The following NTRK3 variants were observed in gnomAD, a reference collection of about 807,000 sequenced individuals.
NTRK3 encodes neurotrophic receptor tyrosine kinase 3.
NTRK3 carries 24 observed loss-of-function variants against 91.7 expected under a neutral mutation model. The observed-to-expected ratio is 0.26, with a 90% CI of 0.19 to 0.37. The LOEUF is 0.37. Ranked by LOEUF, NTRK3 falls within the 10% of genes least tolerant of loss-of-function variation. The probability of loss-of-function intolerance (pLI) is 1.00; values close to 1 mark genes in which losing one functional copy is unlikely to be tolerated. For missense variants in NTRK3, 880 were observed against 1,068.9 expected, an observed-to-expected ratio of 0.82 and a Z score of 2.46; for synonymous variants, 483 against 404.0, an observed-to-expected ratio of 1.20 and a Z score of -2.34.
At chr15:87,863,448 T>C (rs559485300) in exon 19 of NTRK3, 9 of 221,324 alleles carry the variant, frequency 4.1e-5, no homozygotes, top group African/African-American at 1.8e-4. Context: ...AAGCAAGAAA[T>C]CCCGCTTATC....
intron 3 of NTRK3, among the ~76,000 whole-genome samples, chr15:88,231,679 C>T (rs546422462): frequency 6.6e-6 from 1 of 152,322 alleles, no homozygotes; most frequent in African/African-American, 2.4e-5. Context: ...TAGCTGATCT[C>T]ACTCCTGTGT....
intron 5 of NTRK3, among the ~76,000 whole-genome samples, chr15:88,166,364 C>A (rs1597712670): frequency 2.0e-5 from 3 of 152,338 alleles, no homozygotes; most frequent in Non-Finnish European, 1.5e-5. Context: ...ACCTGTCCAC[C>A]ACATGCACCT....
chr15:87,953,604 T>C (rs1010185108), intron 14 of NTRK3, among the ~76,000 whole-genome samples: 4 of 152,190 alleles, frequency 2.6e-5, no homozygotes, highest in Non-Finnish European at 5.9e-5. Context: ...CCACCTCTTA[T>C]TGATAGGCCT....
chr15:87,999,880 T>C (rs1041096040), intron 14 of NTRK3, among the ~76,000 whole-genome samples: 1 of 152,152 alleles, frequency 6.6e-6, no homozygotes, highest in African/African-American at 2.4e-5. Context: ...ATTTCCACCA[T>C]CCTCTATAAG....
At chr15:87,901,765 G>C (rs931703639) in intron 17 of NTRK3, among the ~76,000 whole-genome samples, 4 of 129,702 alleles carry the variant, frequency 3.1e-5, no homozygotes, top group Non-Finnish European at 6.3e-5. Flanking sequence ...AAGTTGGGGA[G>C]GGGGGGAGAG....
rs376912370 is a variant in NTRK3 at position 88,227,636 on chromosome 15, G to A, written c.248+28270C>T. 3.0e-4 allele frequency among the ~76,000 whole-genome samples: 45 copies of A among 152,204 alleles called. No homozygotes were observed. The East Asian group carries it at 6.8e-3, about 23-fold the overall frequency. On this transcript the variant is annotated intron_variant, in intron 3 of 18. Transcript: ENST00000394480. ...ATGTTGGACTTCCAGCCTCTAGAAC[G>A]GTGAGGAATCCACTTCTTCTGTTTA...
At chr15:88,051,896 G>C (rs1027120607) in intron 13 of NTRK3, among the ~76,000 whole-genome samples, 5 of 152,162 alleles carry the variant, frequency 3.3e-5, no homozygotes, top group African/African-American at 1.2e-4. Flanking sequence ...GGGGATCACA[G>C]TTAGCCAATG....
intron 17 of NTRK3, chr15:87,927,681 G>T (rs1946698): frequency 6.6e-6 from 1 of 151,968 alleles, no homozygotes; most frequent in Non-Finnish European, 1.5e-5. Flanking sequence ...AGAGAGATCT[G>T]TTAACCCTTC....
intron 13 of NTRK3, among the ~76,000 whole-genome samples, chr15:88,112,793 C>T (rs867724897): frequency 1.3e-5 from 2 of 152,190 alleles, no homozygotes; most frequent in South Asian, 2.1e-4. Flanking sequence ...CACTCTCCCC[C>T]GCTTCAAGAA....
At chr15:87,929,240 A>G (rs779320655) in exon 17 of NTRK3, 12 of 1,613,856 alleles carry the variant, frequency 7.4e-6, no homozygotes, top group Non-Finnish European at 1.0e-5. Flanking sequence ...GAAGTCCCCA[A>G]TCTTCACTAG....
chr15:87,872,843 C>T (rs778031721), exon 19 of NTRK3: 82 of 232,852 alleles, frequency 3.5e-4, no homozygotes, highest in Non-Finnish European at 6.2e-4. Flanking sequence ...GGGACCAGAA[C>T]CTAGCTTTAA....
chr15:88,206,264 G>A (rs1454800838), intron 3 of NTRK3, among the ~76,000 whole-genome samples: 1 of 150,212 alleles, frequency 6.7e-6, no homozygotes, highest in African/African-American at 2.5e-5. Flanking sequence ...AGAATAGCGC[G>A]AACCCCGGGG....
chr15:88,253,008 G>A (rs1421553098), intron 3 of NTRK3: 1 of 152,216 alleles, frequency 6.6e-6, no homozygotes, highest in Non-Finnish European at 1.5e-5. Flanking sequence ...GAAACCTCTT[G>A]TCCCTCTGGA....
intron 13 of NTRK3, among the ~76,000 whole-genome samples, chr15:88,100,967 A>G (rs2050113769): frequency 6.6e-6 from 1 of 152,256 alleles, no homozygotes; most frequent in Admixed American, 6.5e-5. Flanking sequence ...CAAGGACTTC[A>G]TGTCTAAAAC....
chr15:88,042,031 A>G (rs2079675710), intron 13 of NTRK3, among the ~76,000 whole-genome samples: 1 of 152,122 alleles, frequency 6.6e-6, no homozygotes, highest in Admixed American at 6.5e-5. Flanking sequence ...TTAATGTGTC[A>G]GAATGAAGCA....
chr15:88,022,186 C>T (rs2077648221), intron 14 of NTRK3, among the ~76,000 whole-genome samples: 1 of 152,144 alleles, frequency 6.6e-6, no homozygotes, highest in African/African-American at 2.4e-5. Context: ...CTGGGGTGTT[C>T]TTAAGCTCTC....
At chr15:88,068,389 C>T (rs187643578) in intron 13 of NTRK3, among the ~76,000 whole-genome samples, 86 of 152,188 alleles carry the variant, frequency 5.7e-4, no homozygotes, top group Non-Finnish European at 9.3e-4. Flanking sequence ...CAAGATTGTG[C>T]CATTGCACTC....
At chr15:88,009,356 A>G (rs951563504) in intron 14 of NTRK3, among the ~76,000 whole-genome samples, 6 of 151,702 alleles carry the variant, frequency 4.0e-5, no homozygotes, top group Non-Finnish European at 2.9e-5. Flanking sequence ...AGATGAGCAG[A>G]AAGAGTTGGG....
chr15:87,973,488 T>C (rs1054084505), intron 14 of NTRK3, among the ~76,000 whole-genome samples: 2 of 152,200 alleles, frequency 1.3e-5, no homozygotes, highest in African/African-American at 2.4e-5. Flanking sequence ...TCTGGAAATA[T>C]ACTGTCAGAT....
Sources: allele counts gnomAD v4.1 joint callset (sites outside exome capture counted in the v4.1 genomes callset), GRCh38; gene constraint gnomAD v4.1.1; transcripts MANE v1.5; gene names NCBI Gene and HGNC (gene_info 2026-07-23, HGNC 2026-07-21).